RERE: variants seen among roughly 807,000 people sequenced by gnomAD.
RERE encodes the protein arginine-glutamic acid dipeptide repeats.
In RERE, 40 loss-of-function variants were observed where a neutral mutation model predicts 146.1. The ratio of observed to expected loss-of-function variants is 0.27; its 90% CI spans 0.21 to 0.36. The LOEUF is 0.36. Among genes scored for constraint, RERE ranks in the 10% least tolerant of loss-of-function variants. The pLI, the probability that RERE is intolerant of heterozygous loss-of-function variation, is 1.00. For missense variants in RERE, 1,933 were observed against 2,138.7 expected, an observed-to-expected ratio of 0.90 and a Z score of 1.90; for synonymous variants, 1,003 against 866.0, an observed-to-expected ratio of 1.16 and a Z score of -2.78.
At chr1:8,590,401 G>A (rs1310000530) in intron 4 of RERE, among the ~76,000 whole-genome samples, 1 of 152,114 alleles carries the variant, frequency 6.6e-6, no homozygotes, top group Non-Finnish European at 1.5e-5. Flanking sequence ...GGACCACAGA[G>A]AATGTCAGAA....
chr1:8,545,982 C>CTTTTTTTTTTTTTTTTTTTTTTTTTT (rs3050828), intron 6 of RERE, among the ~76,000 whole-genome samples: 4 of 69,478 alleles, frequency 5.8e-5, no homozygotes, highest in African/African-American at 2.4e-4. Context: ...CATACCCAGT[C>CTTTTTTTTTTTTTTTTTTTTTTTTTT]TTTTTTTTTT....
chr1:8,460,228 A>G (rs1644509102), intron 11 of RERE, among the ~76,000 whole-genome samples: 1 of 152,186 alleles, frequency 6.6e-6, no homozygotes, highest in African/African-American at 2.4e-5. Context: ...TAGCTTGAAA[A>G]GAGTGAACAA....
rs1248476045 is a variant in RERE at position 8,774,726 on chromosome 1, AT to A, written c.-145+42433del. 9.2e-3 allele frequency among the ~76,000 whole-genome samples: 324 copies of A among 35,056 alleles called. 2 individuals are homozygous for A. The highest frequency in any genetic ancestry group is 8.0e-3 in the Non-Finnish European group (108 of 13,504). 23.0% of individuals were successfully genotyped at this position (35,056 alleles called of 152,430 possible). ...AATGACCTAAAAGAATCAAACAAGAATTAATAGTCTATTATACAGAATAAAA... is the reference window on the plus strand; with the variant it reads ...AATGACCTAAAAGAATCAAACAAGAATAATAGTCTATTATACAGAATAAAA... On this transcript the variant is annotated intron_variant, in intron 1 of 22. Transcript: ENST00000400908.
intron 10 of RERE, among the ~76,000 whole-genome samples, chr1:8,470,121 C>A (rs1557646374): frequency 6.6e-6 from 1 of 152,092 alleles, no homozygotes; most frequent in Non-Finnish European, 1.5e-5. Flanking sequence ...CTTAAAATAT[C>A]CCTATTCCTC....
At chr1:8,540,374 AG>A (rs1645785235) in intron 7 of RERE, among the ~76,000 whole-genome samples, 1 of 152,118 alleles carries the variant, frequency 6.6e-6, no homozygotes, top group Non-Finnish European at 1.5e-5. Context: ...TGGCCTCCTA[AG>A]GTTCTAGGAT....
At chr1:8,400,695 A>G (rs1643217601) in intron 12 of RERE, among the ~76,000 whole-genome samples, 1 of 151,850 alleles carries the variant, frequency 6.6e-6, no homozygotes, top group Non-Finnish European at 1.5e-5. Context: ...AAGGACTGAC[A>G]GTTTCACCAT....
intron 12 of RERE, among the ~76,000 whole-genome samples, chr1:8,403,563 ACCATG>A (rs1481043653): frequency 2.0e-5 from 3 of 150,470 alleles, no homozygotes; most frequent in African/African-American, 7.3e-5. Context: ...GCAGGGTTTC[ACCATG>A]CTGGCCAGGC....
At chr1:8,450,890 C>T (rs1461070663) in intron 11 of RERE, among the ~76,000 whole-genome samples, 1 of 152,188 alleles carries the variant, frequency 6.6e-6, no homozygotes, top group Non-Finnish European at 1.5e-5. Context: ...AGGTTGCCCA[C>T]GGCCCTTCTA....
chr1:8,729,491 G>T (rs1286341407), intron 1 of RERE, among the ~76,000 whole-genome samples: 1 of 151,998 alleles, frequency 6.6e-6, no homozygotes, highest in Non-Finnish European at 1.5e-5. Flanking sequence ...CCAAAGTGCT[G>T]GGGTTACAGG....
intron 1 of RERE, among the ~76,000 whole-genome samples, chr1:8,681,509 T>C (rs1231635868): frequency 6.6e-6 from 1 of 152,182 alleles, no homozygotes; most frequent in Non-Finnish European, 1.5e-5. Flanking sequence ...TTACTTAGCT[T>C]AATTATTCCA....
At chr1:8,686,712 T>C (rs777276213) in intron 1 of RERE, among the ~76,000 whole-genome samples, 8 of 151,990 alleles carry the variant, frequency 5.3e-5, no homozygotes, top group Non-Finnish European at 1.2e-4. Context: ...ATTACGCCAT[T>C]GTACTGCAGC....
intron 1 of RERE, among the ~76,000 whole-genome samples, chr1:8,729,217 A>ATTTTT (rs1173630956): frequency 2.5e-4 from 25 of 100,444 alleles, no homozygotes; most frequent in East Asian, 7.5e-4. Flanking sequence ...AGCTACACCG[A>ATTTTT]TTTTTTTTTT....
At chr1:8,572,650 G>A (rs1646235282) in intron 4 of RERE, among the ~76,000 whole-genome samples, 1 of 152,204 alleles carries the variant, frequency 6.6e-6, no homozygotes, top group South Asian at 2.1e-4. Context: ...ACCAGACACT[G>A]TTCTGGAGAT....
intron 11 of RERE, among the ~76,000 whole-genome samples, chr1:8,446,449 G>C (rs1294166185): frequency 6.6e-6 from 1 of 152,114 alleles, no homozygotes; most frequent in Non-Finnish European, 1.5e-5. Flanking sequence ...TGAATCTGAA[G>C]ATTATGTGTC....
chr1:8,748,111 A>C (rs1640460154), intron 1 of RERE, among the ~76,000 whole-genome samples: 1 of 152,144 alleles, frequency 6.6e-6, no homozygotes, highest in Non-Finnish European at 1.5e-5. Context: ...AGTTGTATAC[A>C]ACTACACATA....
chr1:8,395,819 G>C (rs1643036345), intron 12 of RERE, among the ~76,000 whole-genome samples: 1 of 152,172 alleles, frequency 6.6e-6, no homozygotes, highest in African/African-American at 2.4e-5. Context: ...ACAGGAGGAA[G>C]TATGAGAGGT....
At chr1:8,437,777 C>T (rs1644190568) in intron 11 of RERE, among the ~76,000 whole-genome samples, 1 of 152,122 alleles carries the variant, frequency 6.6e-6, no homozygotes, top group Admixed American at 6.5e-5. Flanking sequence ...GGGCTGCATG[C>T]AGAGGGGAGT....
At chr1:8,415,757 C>A (rs1279141312) in intron 12 of RERE, among the ~76,000 whole-genome samples, 1 of 152,254 alleles carries the variant, frequency 6.6e-6, no homozygotes, top group Admixed American at 6.5e-5. Flanking sequence ...CCCTATAGTT[C>A]AGACTATCAC....
chr1:8,359,063 C>A lies in RERE; in HGVS notation c.3619-147G>T, dbSNP rs2124361895. 2.9e-6 allele frequency: 3 copies of A among 1,049,222 alleles called. No homozygotes were observed. In the South Asian group the frequency reaches 6.0e-5, roughly 21 times the overall value. The allele number at this position is 1,049,222 out of a possible 1,614,324, so 65.0% of individuals were successfully genotyped here. On this transcript the variant is annotated intron_variant, in intron 19 of 22. Coordinates refer to ENST00000400908, the MANE Select transcript of RERE (RefSeq NM_001042681.2). ...CCACGGAGACCCGGCCCTGCCTTGG[C>A]CTGACACCAGGATGCAGTCCAGGCC...
Sources: gnomAD v4.1 joint callset for allele counts (sites outside exome capture counted in the v4.1 genomes callset) on GRCh38, gnomAD v4.1.1 for gene constraint, MANE v1.5 for transcripts, NCBI Gene and HGNC (gene_info 2026-07-23, HGNC 2026-07-21) for gene names.